PHACTR3: variants seen among roughly 807,000 people sequenced by gnomAD.
PHACTR3 encodes phosphatase and actin regulator 3, also known as protein phosphatase 1, regulatory subunit 123.
Under a neutral mutation model 66.8 loss-of-function variants are expected in PHACTR3, and 16 were observed. The ratio of observed to expected loss-of-function variants is 0.24; its 90% confidence interval spans 0.16 to 0.36. The LOEUF is 0.36. Ranked by LOEUF, PHACTR3 falls within the 10% of genes least tolerant of loss-of-function variation. The probability of loss-of-function intolerance (pLI) is 1.00; values close to 1 mark genes in which losing one functional copy is unlikely to be tolerated. For missense variants in PHACTR3, 647 were observed against 719.9 expected, an observed-to-expected ratio of 0.90 and a Z score of 1.16; for synonymous variants, 323 against 292.1, an observed-to-expected ratio of 1.11 and a Z score of -1.08.
intron 12 of PHACTR3, among the ~76,000 whole-genome samples, chr20:59,845,530 G>A (rs909193508): frequency 1.3e-5 from 2 of 152,002 alleles, no homozygotes; most frequent in Non-Finnish European, 2.9e-5. Context: ...AAGCCTCAAG[G>A]CAATGAAAGT....
At chr20:59,592,807 T>C (rs573301480) in intron 1 of PHACTR3, among the ~76,000 whole-genome samples, 2 of 151,788 alleles carry the variant, frequency 1.3e-5, no homozygotes, top group Non-Finnish European at 2.9e-5. Flanking sequence ...ATTTCCTCCA[T>C]ATAATTTCTT....
chr20:59,702,589 C>G (rs1344453487), intron 1 of PHACTR3, among the ~76,000 whole-genome samples: 5 of 152,222 alleles, frequency 3.3e-5, no homozygotes, highest in African/African-American at 4.8e-5. Flanking sequence ...TGGCCATCAT[C>G]TGTCCCCCAC....
intron 1 of PHACTR3, among the ~76,000 whole-genome samples, chr20:59,711,690 A>C (rs776420188): frequency 6.4e-4 from 98 of 152,292 alleles, no homozygotes; most frequent in Non-Finnish European, 1.2e-3. Flanking sequence ...AAAATATCAA[A>C]TATCTCATAT....
intron 7 of PHACTR3, among the ~76,000 whole-genome samples, chr20:59,790,106 T>G (rs910599298): frequency 6.6e-6 from 1 of 152,246 alleles, no homozygotes; most frequent in African/African-American, 2.4e-5. Context: ...TTATATACAT[T>G]TCCTTTTTTT....
chr20:59,740,275 G>A (rs2039105789), intron 1 of PHACTR3, among the ~76,000 whole-genome samples: 1 of 152,016 alleles, frequency 6.6e-6, no homozygotes, highest in African/African-American at 2.4e-5. Flanking sequence ...ACTGTGTATT[G>A]TGGATGTTTA....
At chr20:59,777,481 G>T (rs894706825) in intron 7 of PHACTR3, among the ~76,000 whole-genome samples, 2 of 152,158 alleles carry the variant, frequency 1.3e-5, no homozygotes, top group African/African-American at 4.8e-5. Context: ...CCGGTCCATG[G>T]CCTCCAACAG....
At chr20:59,602,608 A>T (rs1232620478), upstream of PHACTR3, among the ~76,000 whole-genome samples, 2 of 152,078 alleles carry the variant, frequency 1.3e-5, no homozygotes, top group East Asian at 1.9e-4. Flanking sequence ...CTCTGGTGTG[A>T]TCTTTCTCCT....
chr20:59,665,771 G>A (rs1410400297), intron 1 of PHACTR3, among the ~76,000 whole-genome samples: 3 of 152,082 alleles, frequency 2.0e-5, no homozygotes, highest in Non-Finnish European at 2.9e-5. Flanking sequence ...TTGGGTGCAC[G>A]CTGGGACTCA....
At chr20:59,633,100 A>T (rs1225344973) in intron 1 of PHACTR3, among the ~76,000 whole-genome samples, 1 of 152,082 alleles carries the variant, frequency 6.6e-6, no homozygotes, top group African/African-American at 2.4e-5. Flanking sequence ...TTCTGGGAGG[A>T]CCTGTCACAC....
chr20:59,841,839 T>C (rs1377942456), intron 11 of PHACTR3, among the ~76,000 whole-genome samples: 1 of 152,004 alleles, frequency 6.6e-6, no homozygotes, highest in Non-Finnish European at 1.5e-5. Context: ...ACAATGCACA[T>C]AACAGCCCCC....
intron 1 of PHACTR3, among the ~76,000 whole-genome samples, chr20:59,624,446 C>T (rs2034372151): frequency 6.6e-6 from 1 of 152,174 alleles, no homozygotes; most frequent in African/African-American, 2.4e-5. Flanking sequence ...GCCATGAAGC[C>T]AGTATGAACA....
At chr20:59,585,236 T>C (rs1314187181) in intron 1 of PHACTR3, among the ~76,000 whole-genome samples, 1 of 152,168 alleles carries the variant, frequency 6.6e-6, no homozygotes, top group Non-Finnish European at 1.5e-5. Flanking sequence ...GGGGTCGGCA[T>C]GAACCCACCT....
At chr20:59,767,449 CATCT>C in intron 5 of PHACTR3, 54 bp downstream of exon 5, 3 of 1,538,458 alleles carry the variant, frequency 1.9e-6, no homozygotes, top group Non-Finnish European at 2.7e-6. Context: ...CCCATCCATC[CATCT>C]ATCCTACATT....
intron 7 of PHACTR3, among the ~76,000 whole-genome samples, chr20:59,779,848 C>T (rs1037665471): frequency 1.3e-5 from 2 of 152,192 alleles, no homozygotes; most frequent in East Asian, 1.9e-4. Flanking sequence ...GCCTGGTCAG[C>T]GGTGGGTGAG....
chr20:59,629,573 G>C (rs993636425), intron 1 of PHACTR3, among the ~76,000 whole-genome samples: 2 of 152,208 alleles, frequency 1.3e-5, no homozygotes, highest in Admixed American at 1.3e-4. Context: ...GTGAGTGGCC[G>C]CCTTCTCCCT....
intron 4 of PHACTR3, among the ~76,000 whole-genome samples, chr20:59,758,002 G>GGA (rs2039865671): frequency 6.6e-6 from 1 of 152,130 alleles, no homozygotes; most frequent in South Asian, 2.1e-4. Flanking sequence ...CCCACAGAAT[G>GGA]GAGAGAGAGA....
At chr20:59,771,169 G>A (rs1360745292) in intron 5 of PHACTR3, among the ~76,000 whole-genome samples, 1 of 152,218 alleles carries the variant, frequency 6.6e-6, no homozygotes, top group East Asian at 1.9e-4. Flanking sequence ...GCGAGAGCAG[G>A]CAAACCACGC....
chr20:59,846,924 G>A (rs1450867291), intron 12 of PHACTR3, among the ~76,000 whole-genome samples, 191 bp from the exon 13 acceptor site: 1 of 152,152 alleles, frequency 6.6e-6, no homozygotes, highest in African/African-American at 2.4e-5. Context: ...GCATATAACA[G>A]GGGCCTGAGA....
At chr20:59,666,631 AAAGAG>A (rs2035998769) in intron 1 of PHACTR3, among the ~76,000 whole-genome samples, 1 of 152,156 alleles carries the variant, frequency 6.6e-6, no homozygotes, top group African/African-American at 2.4e-5. Flanking sequence ...ACAGAGGAAG[AAAGAG>A]AGAGAGAGAC....
Sources: gnomAD v4.1 joint callset for allele counts (sites outside exome capture counted in the v4.1 genomes callset) on GRCh38, gnomAD v4.1.1 for gene constraint, MANE v1.5 for transcripts, NCBI Gene and HGNC (gene_info 2026-07-23, HGNC 2026-07-21) for gene names.